DECR1: variants seen among roughly 807,000 people sequenced by gnomAD.
The protein encoded by DECR1 is 2,4-dienoyl-CoA reductase [(3E)-enoyl-CoA-producing], mitochondrial.
DECR1 carries 44 observed loss-of-function variants against 38.8 expected under a neutral mutation model. That is an observed-to-expected ratio of 1.13 (90% CI 0.89 to 1.46). The LOEUF is 1.46. Among genes scored for constraint, DECR1 ranks in the 40% most tolerant of loss-of-function variants. The pLI is 0.00. For synonymous variants in DECR1, 148 were observed against 135.2 expected, an observed-to-expected ratio of 1.09 and a Z score of -0.66; for missense variants, 428 against 405.5, an observed-to-expected ratio of 1.06 and a Z score of -0.48.
Position 90,051,749 on chromosome 8 carries a change from T to C in DECR1, c.948+10T>C. The C allele has an allele frequency of 1.2e-6, 2 of 1,613,338 alleles. No homozygotes were observed. Among genetic ancestry groups the C allele is most frequent in the Non-Finnish European group, 1.7e-6 (2 of 1,179,538 alleles). On this transcript the variant is annotated intron_variant, in intron 9 of 9. Coordinates refer to ENST00000220764, the MANE Select transcript of DECR1 (RefSeq NM_001359.2). Reference sequence around the variant, plus strand: ...CAACGACCTGAGAAAGGTAATGCTTTTGTGTGTATAATGTAATATCAGCAG... The same window carrying C: ...CAACGACCTGAGAAAGGTAATGCTTCTGTGTGTATAATGTAATATCAGCAG...
Position 90,019,128 on chromosome 8 carries a change from CA to C in DECR1, c.377del (p.Asn126ThrfsTer6). 6.2e-7 allele frequency: 1 copy of C among 1,614,108 alleles called. No homozygotes were observed. Among genetic ancestry groups the C allele is most frequent in the South Asian group, 1.1e-5 (1 of 91,066 alleles). ...TGATGTGAGGGATCCTGATATGGTT[CA>C]AAACACTGTGTCAGAACTGATCAAA... ...QCDVRDPDMV[Q>X]NTVSELIKVA... On this transcript the variant is annotated frameshift_variant, in exon 4 of 10. Coordinates refer to ENST00000220764, the MANE Select transcript of DECR1 (RefSeq NM_001359.2). LOFTEE classifies it high-confidence loss of function.
chr8:90,040,685 C>T (rs1813737188), intron 6 of DECR1, among the ~76,000 whole-genome samples: 1 of 152,128 alleles, frequency 6.6e-6, no homozygotes, highest in African/African-American at 2.4e-5. Flanking sequence ...CATGTGTTCT[C>T]ATTGTTCAGC....
intron 6 of DECR1, among the ~76,000 whole-genome samples, chr8:90,039,351 A>G (rs931500298): frequency 6.6e-6 from 1 of 152,208 alleles, no homozygotes; most frequent in Non-Finnish European, 1.5e-5. Context: ...GAAACTTAGA[A>G]TCATGGTGGA....
chr8:90,043,502 T>C lies in DECR1; in HGVS notation c.738+702T>C, dbSNP rs193092023. On this transcript the variant is annotated intron_variant, in intron 7 of 9. Transcript: ENST00000220764. ...ACTCACACTTCTCTTGGTTTTCACC[T>C]AAAGCAAGTATTTATAATGCCAACC... 4.3e-3 allele frequency among the ~76,000 whole-genome samples: 662 copies of C among 152,272 alleles called. 6 individuals carry two copies. Among genetic ancestry groups the C allele is most frequent in the Non-Finnish European group, 6.0e-3 (409 of 68,020 alleles).
At chr8:90,050,032 T>A (rs920733117) in intron 8 of DECR1, among the ~76,000 whole-genome samples, 3 of 152,156 alleles carry the variant, frequency 2.0e-5, no homozygotes, top group African/African-American at 7.2e-5. Context: ...TAATTCAAGA[T>A]GGATTAAAGA....
At chr8:90,050,664 C>T (rs1814054857) in intron 8 of DECR1, among the ~76,000 whole-genome samples, 1 of 152,122 alleles carries the variant, frequency 6.6e-6, no homozygotes, top group African/African-American at 2.4e-5. Flanking sequence ...CCCAGCCATC[C>T]CATTACTGGG....
chr8:90,051,799 T>A, intron 9 of DECR1, 39 bp from the exon 10 acceptor site: 1 of 1,613,034 alleles, frequency 6.2e-7, no homozygotes, highest in Non-Finnish European at 8.5e-7. Flanking sequence ...TTTAAAAACA[T>A]GTAAAAAGGA....
At chr8:90,004,435 C>T (rs1030505462) in intron 1 of DECR1, among the ~76,000 whole-genome samples, 2 of 151,758 alleles carry the variant, frequency 1.3e-5, no homozygotes, top group Non-Finnish European at 2.9e-5. Flanking sequence ...TTCAGCAATA[C>T]AGTTAACAAA....
chr8:90,006,218 ACTT>A (rs1318425587), intron 1 of DECR1: 1 of 704,106 alleles, frequency 1.4e-6, no homozygotes, highest in Non-Finnish European at 2.6e-6. Context: ...TACTACCTGA[ACTT>A]CTCACAGTAG....
At chr8:90,006,256 G>A (rs1217991053) in intron 1 of DECR1, 2 of 704,140 alleles carry the variant, frequency 2.8e-6, no homozygotes, top group East Asian at 5.4e-5. Context: ...TGGGGAAGAA[G>A]CATCTCCTGC....
chr8:90,029,003 T>C (rs1165543678), intron 5 of DECR1, among the ~76,000 whole-genome samples: 1 of 152,124 alleles, frequency 6.6e-6, no homozygotes, highest in African/African-American at 2.4e-5. Flanking sequence ...ATTACCTAAG[T>C]GTTAACTATT....
chr8:90,032,935 A>G (rs1453784103), intron 5 of DECR1, among the ~76,000 whole-genome samples: 2 of 152,204 alleles, frequency 1.3e-5, no homozygotes, highest in Non-Finnish European at 2.9e-5. Flanking sequence ...AATCAACAAC[A>G]GCAGTAAATT....
intron 5 of DECR1, among the ~76,000 whole-genome samples, chr8:90,024,109 G>A (rs1409629637): frequency 2.6e-5 from 4 of 152,110 alleles, no homozygotes; most frequent in African/African-American, 7.2e-5. Context: ...TCTTAATCCA[G>A]TCTATCATTG....
chr8:90,052,315 A>G lies in DECR1; in HGVS notation c.*418A>G, dbSNP rs797011748. Among the ~76,000 whole-genome samples, 13 of 152,256 alleles carry G rather than the reference A, an allele frequency of 8.5e-5. No homozygotes were observed. The highest frequency in any genetic ancestry group is 3.1e-4 in the African/African-American group (13 of 41,554). On this transcript the variant is annotated 3_prime_UTR_variant, in exon 10 of 10. Transcript: ENST00000220764. The stretch of plus-strand genomic sequence containing the variant: ...AGAGGATACACACTAAATATAATAG[A>G]CTTTGCCTTTCCAGTATACTTTCTT...
chr8:90,050,735 T>G (rs757893306), intron 8 of DECR1, among the ~76,000 whole-genome samples: 1 of 152,220 alleles, frequency 6.6e-6, no homozygotes, highest in African/African-American at 2.4e-5. Flanking sequence ...GTATGTTTAT[T>G]GCACTACTAT....
intron 1 of DECR1, among the ~76,000 whole-genome samples, chr8:90,007,906 A>G (rs1359983168): frequency 2.0e-5 from 3 of 152,234 alleles, no homozygotes; most frequent in Non-Finnish European, 4.4e-5. Context: ...CAGGGTAATG[A>G]TAAGTAAGTC....
intron 1 of DECR1, among the ~76,000 whole-genome samples, chr8:90,009,674 G>C (rs2130011720): frequency 6.6e-6 from 1 of 152,162 alleles, no homozygotes; most frequent in Middle Eastern, 3.4e-3. Context: ...CAAACTCTTT[G>C]CAAGAGCAGA....
intron 6 of DECR1, among the ~76,000 whole-genome samples, chr8:90,041,955 T>C (rs1210244517): frequency 6.6e-6 from 1 of 152,190 alleles, no homozygotes; most frequent in African/African-American, 2.4e-5. Flanking sequence ...ACATTAAGTA[T>C]ATATACACAC....
At chr8:90,013,415 T>TTTTTTTTTTTTTTTTTTG in intron 1 of DECR1, among the ~76,000 whole-genome samples, 1 of 147,132 alleles carries the variant, frequency 6.8e-6, no homozygotes, top group Non-Finnish European at 1.5e-5. Flanking sequence ...TTTTTTTTTT[T>TTTTTTTTTTTTTTTTTTG]TTTTTTTGTA....
Sources: gnomAD v4.1 joint callset for allele counts (sites outside exome capture counted in the v4.1 genomes callset) on GRCh38, gnomAD v4.1.1 for gene constraint, MANE v1.5 for transcripts, NCBI Gene and HGNC (gene_info 2026-07-23, HGNC 2026-07-21) for gene names.